Variants in MMP25 observed in about 807,000 individuals in gnomAD.
The protein encoded by MMP25 is matrix metalloproteinase-25.
In MMP25, 68 loss-of-function variants were observed where a neutral mutation model predicts 62.1. That is an observed-to-expected ratio of 1.10 (90% confidence interval 0.90 to 1.34). MMP25 has a LOEUF of 1.34. Among genes scored for constraint, MMP25 ranks in the 40% most tolerant of loss-of-function variants. MMP25 has a pLI of 0.00. For synonymous variants in MMP25, 407 were observed against 345.6 expected (o/e 1.18, Z -1.97); for missense variants, 942 against 792.5 (o/e 1.19, Z -2.26).
At chr16:3,050,650 G>C in intron 4 of MMP25, 104 bp downstream of exon 4, 1 of 1,241,408 alleles carries the variant, frequency 8.1e-7, no homozygotes, top group Non-Finnish European at 1.1e-6. Flanking sequence ...GTCTTGCTCT[G>C]TTGCTCAGGC....
Position 3,050,363 on chromosome 16 carries a change from G to A in MMP25, c.478G>A (p.Val160Met), listed in dbSNP as rs1199745075. The A allele has an allele frequency of 2.5e-6, 4 of 1,614,062 alleles. No homozygotes were observed. In the South Asian group the frequency reaches 4.4e-5, roughly 18 times the overall value. Residue 160 changes from valine to methionine, a missense_variant, in exon 4 of 10, where the codon GTG (valine) becomes ATG (methionine). By Grantham distance (21) the Val-to-Met change is conservative. Transcript: ENST00000336577. ...GGAGTCAGGCCTCACATTTCATGAG[G>A]TGGATTCCCCCCAGGGCCAGGAGCC... The part of the protein sequence containing the change: ...GMESGLTFHE[V>M]DSPQGQEPDI...
intron 4 of MMP25, chr16:3,056,031 T>C (rs990580525): frequency 9.2e-6 from 4 of 435,974 alleles, no homozygotes; most frequent in African/African-American, 6.2e-5. Context: ...AGAGGAGCTC[T>C]GTGTTCCCAA....
intron 4 of MMP25, chr16:3,054,261 G>A (rs1955958907): frequency 2.0e-5 from 3 of 149,764 alleles, no homozygotes; most frequent in Admixed American, 6.8e-5. Context: ...TGGACGGACA[G>A]ATGCATGCAC....
In MMP25 at chr16:3,046,710, C is replaced by T. The variant is rs1282443787; in HGVS notation, c.-208C>T. ...CCCGGGCCCACCCGACCCAGCGGCG[C>T]GACCCTGGCCCTCCGGGACCCTCCG... On this transcript the variant is annotated 5_prime_UTR_variant, in exon 1 of 10. Coordinates refer to ENST00000336577, the MANE Select transcript of MMP25 (RefSeq NM_022468.5). 2 of 397,664 alleles carry T rather than the reference C, an allele frequency of 5.0e-6. No individual in the cohort carries two copies. The highest frequency in any genetic ancestry group is 8.9e-6 in the Non-Finnish European group (2 of 225,130). 24.6% of individuals were successfully genotyped at this position (397,664 alleles called of 1,614,324 possible).
At chr16:3,053,400 A>G (rs1321424942) in intron 4 of MMP25, 5 of 151,514 alleles carry the variant, frequency 3.3e-5, no homozygotes, top group African/African-American at 1.2e-4. Context: ...TTCCACTTGT[A>G]ATGAACAACT....
intron 8 of MMP25, 26 bp downstream of exon 8, chr16:3,058,359 G>A (rs1347405143): frequency 7.3e-6 from 11 of 1,509,306 alleles, no homozygotes; most frequent in East Asian, 2.5e-5. Flanking sequence ...GGCGGGGCGC[G>A]CTGGGGCCGG....
At position 3,059,329 on chromosome 16, in the gene MMP25, G is replaced by A. The variant is rs550064223; in HGVS notation, c.*231G>A. 2.8e-5 allele frequency: 12 copies of A among 423,730 alleles called. No homozygotes were observed. Among genetic ancestry groups the A allele is most frequent in the African/African-American group, 1.2e-4 (6 of 48,892 alleles). 26.2% of individuals were successfully genotyped at this position (423,730 alleles called of 1,614,324 possible). A position where few individuals can be genotyped will look rare whatever the true frequency, so the allele number is the denominator to read the frequency against. On this transcript the variant is annotated 3_prime_UTR_variant, in exon 10 of 10. Coordinates refer to ENST00000336577, the MANE Select transcript of MMP25 (RefSeq NM_022468.5). ...GGTCTGAGACCCCGGCGCTGCCACC[G>A]GAACCCGCCTTCAGGGGCGCACGCG...
chr16:3,051,337 A>G (rs1046917771), intron 4 of MMP25: 1 of 152,138 alleles, frequency 6.6e-6, no homozygotes, highest in Non-Finnish European at 1.5e-5. Context: ...TCAGGATTTC[A>G]GTGACAGTCT....
At chr16:3,051,934 G>C (rs1179961999) in intron 4 of MMP25, 1 of 152,092 alleles carries the variant, frequency 6.6e-6, no homozygotes, top group Non-Finnish European at 1.5e-5. Flanking sequence ...AGACCAGCCT[G>C]ACCAACATGT....
chr16:3,050,654 C>A, intron 4 of MMP25, 108 bp downstream of exon 4: 5 of 1,220,186 alleles, frequency 4.1e-6, no homozygotes, highest in Non-Finnish European at 5.5e-6. Context: ...TGCTCTGTTG[C>A]TCAGGCTAGA....
chr16:3,056,951 C>T, intron 4 of MMP25, 82 bp from the exon 5 acceptor site: 2 of 1,456,132 alleles, frequency 1.4e-6, no homozygotes, highest in Non-Finnish European at 1.8e-6. Context: ...TCCTGTTGGC[C>T]CCAGCTGCAC....
intron 4 of MMP25, chr16:3,054,000 G>C (rs1233235178): frequency 6.6e-6 from 1 of 151,386 alleles, no homozygotes; most frequent in Non-Finnish European, 1.5e-5. Flanking sequence ...TGGGGTGAGG[G>C]GAGGGAATGG....
Position 3,058,921 on chromosome 16 carries a change from C to T in MMP25, c.1512C>T (p.Asn504=). The change falls in exon 10 of 10, where the codon AAC becomes AAT. Residue 504 remains asparagine, a synonymous_variant. Coordinates refer to ENST00000336577, the MANE Select transcript of MMP25 (RefSeq NM_022468.5). ...ACGCCCCCCAGCCCATGGGGCCCAA[C>T]TGGCTGGACTGCCCCGCCCCGAGCT... The part of the protein sequence containing the change: ...EPDAPQPMGP[N]WLDCPAPSSG... 2 of 1,551,680 alleles carry T rather than the reference C, an allele frequency of 1.3e-6. No individual in the cohort carries two copies.
At chr16:3,056,873 G>C in intron 4 of MMP25, 160 bp from the exon 5 acceptor site, 1 of 639,258 alleles carries the variant, frequency 1.6e-6, no homozygotes, top group Non-Finnish European at 2.6e-6. Context: ...TGGAGACAGG[G>C]ATGATGGAGA....
Position 3,057,063 on chromosome 16 carries a change from C to G in MMP25, c.692C>G (p.Ala231Gly). ...DGEGTDLFAV[A>G]VHEFGHALGL... is the part of the protein sequence containing the mutation. ...GAGGGGACCGACCTGTTTGCCGTGG[C>G]TGTCCATGAGTTTGGCCACGCCCTG... Residue 231 changes from alanine to glycine, a missense_variant, in exon 5 of 10, where the codon GCT becomes GGT. Physicochemically the swap from Ala to Gly is moderately conservative, Grantham distance 60 (BLOSUM62 0). Transcript: ENST00000336577. The G allele has an allele frequency of 1.3e-6, 2 of 1,597,476 alleles. No individual in the cohort carries two copies. Among genetic ancestry groups the G allele is most frequent in the Non-Finnish European group, 1.7e-6 (2 of 1,171,276 alleles).
In MMP25 at chr16:3,058,844, A is replaced by C; in HGVS notation, c.1435A>C (p.Lys479Gln). ...TCCTCCAGGTGACACCTACTTCTTC[A>C]AGGGCGCCCACTACTGGCGCTTCCC... is the stretch of plus-strand genomic sequence containing the variant. ...VSNAGDTYFF[K>Q]GAHYWRFPKN... The change falls in exon 10 of 10, where the codon AAG (lysine) becomes CAG (glutamine). Residue 479 changes from lysine to glutamine, a missense_variant. By Grantham distance (53) the Lys-to-Gln change is moderately conservative (BLOSUM62 1). Transcript: ENST00000336577. The C allele has an allele frequency of 6.5e-7, 1 of 1,527,200 alleles. No individual in the cohort carries two copies. The highest frequency in any genetic ancestry group is 8.8e-7 in the Non-Finnish European group (1 of 1,134,510). The allele number at this position is 1,527,200 out of a possible 1,614,324, so 94.6% of individuals were successfully genotyped here.
In MMP25 at chr16:3,057,185, C is replaced by G. The variant is rs374797521; in HGVS notation, c.814C>G (p.Arg272Gly). The G allele has an allele frequency of 6.2e-6, 10 of 1,612,438 alleles. No homozygotes were observed. Among genetic ancestry groups the G allele is most frequent in the Non-Finnish European group, 8.5e-6 (10 of 1,179,208 alleles). The change falls in exon 5 of 10, where the codon CGC becomes GGC. Residue 272 changes from arginine to glycine, a missense_variant. Transcript: ENST00000336577. The stretch of plus-strand genomic sequence containing the variant: ...CAAGTACCGCCTGTCTCAGGATGAC[C>G]GCGATGGCCTGCAGCAACTCTATGG... ...PDKYRLSQDD[R>G]DGLQQLYGKA...
rs1189543377 is a variant in MMP25 at position 3,050,440 on chromosome 16, C to T, written c.555C>T (p.Phe185=). ...ARAFHQDSYP[F]DGLGGTLAHA... is the part of the protein sequence containing the mutation. ...CCTTCCACCAGGACAGCTACCCCTT[C>T]GACGGGTTGGGGGGCACCCTAGCCC... is the stretch of plus-strand genomic sequence containing the variant. Residue 185 remains phenylalanine, a synonymous_variant, in exon 4 of 10, where the codon TTC becomes TTT. Coordinates refer to ENST00000336577, the MANE Select transcript of MMP25 (RefSeq NM_022468.5). 8.7e-6 allele frequency: 14 copies of T among 1,613,818 alleles called. No homozygotes were observed. The highest frequency in any genetic ancestry group is 1.6e-4 in the Middle Eastern group (1 of 6,084).
In MMP25 at chr16:3,058,590, G is replaced by A. The variant is rs1567129520; in HGVS notation, c.1338G>A (p.Pro446=). 2.5e-6 allele frequency: 4 copies of A among 1,607,484 alleles called. No individual in the cohort carries two copies. The highest frequency in any genetic ancestry group is 1.7e-4 in the Middle Eastern group (1 of 6,048). The change falls in exon 9 of 10, where the codon CCG becomes CCA. Residue 446 remains proline, a synonymous_variant. Coordinates refer to ENST00000336577, the MANE Select transcript of MMP25 (RefSeq NM_022468.5). ...YWRYDEAAAR[P]DPGYPRDLSL... ...GCTACGACGAGGCGGCGGCGCGCCC[G>A]GACCCCGGCTACCCTCGCGACCTGA... is the stretch of plus-strand genomic sequence containing the variant.
Sources: gnomAD v4.1 joint callset for allele counts on GRCh38, gnomAD v4.1.1 for gene constraint, MANE v1.5 for transcripts, NCBI Gene and HGNC (gene_info 2026-07-23, HGNC 2026-07-21) for gene names.